VPS13D: variants seen among roughly 807,000 people sequenced by gnomAD.
The protein encoded by VPS13D is vacuolar protein sorting 13 homolog D, also known as intermembrane lipid transfer protein VPS13D.
A neutral mutation model predicts 461.9 loss-of-function variants in VPS13D; 187 were observed. That is an observed-to-expected ratio of 0.40 (90% CI 0.36 to 0.46). The LOEUF (loss-of-function observed/expected upper bound fraction) is 0.46. VPS13D is among the 20% of genes least tolerant of loss of function. VPS13D has a pLI of 0.60. For synonymous variants in VPS13D, 1,951 were observed against 1,986.3 expected (o/e 0.98, Z 0.47); for missense variants, 4,711 against 5,364.9 (o/e 0.88, Z 3.81).
intron 65 of VPS13D, among the ~76,000 whole-genome samples, chr1:12,445,797 T>TA (rs1239346002): frequency 2.0e-5 from 3 of 152,224 alleles, no homozygotes; most frequent in African/African-American, 7.2e-5. Context: ...AGACAGGACT[T>TA]AATTTAAGTA....
At chr1:12,435,065 G>A (rs76572263) in intron 65 of VPS13D, among the ~76,000 whole-genome samples, 2,441 of 152,290 alleles carry the variant, frequency 0.016, 51 homozygotes, top group Admixed American at 0.056. Flanking sequence ...TATCCTTACC[G>A]TAAGTGTTTA....
chr1:12,509,128 G>T lies in VPS13D; in HGVS notation c.*104G>T. ...TGGAGGCAGAACCGGAGTCGGGTTTGGGGAAGTTGTCAAGGAATGAGGGAA... is the reference window on the plus strand; with the variant it reads ...TGGAGGCAGAACCGGAGTCGGGTTTTGGGAAGTTGTCAAGGAATGAGGGAA... On this transcript the variant is annotated 3_prime_UTR_variant, in exon 70 of 70. Transcript: ENST00000620676. 2 of 1,409,870 alleles carry T rather than the reference G, an allele frequency of 1.4e-6. No individual in the cohort carries two copies. The highest frequency in any genetic ancestry group is 1.9e-6 in the Non-Finnish European group (2 of 1,061,910). The allele number at this position is 1,409,870 out of a possible 1,614,324, so 87.3% of individuals were successfully genotyped here.
At chr1:12,359,362 T>C (rs551912944) in intron 50 of VPS13D, among the ~76,000 whole-genome samples, 1 of 152,198 alleles carries the variant, frequency 6.6e-6, no homozygotes, top group Non-Finnish European at 1.5e-5. Flanking sequence ...TGCATGGTCC[T>C]GTAGAACTTT....
In VPS13D at chr1:12,276,964, C is replaced by T. The variant is rs2101359674; in HGVS notation, c.3376C>T (p.Leu1126Phe). The T allele has an allele frequency of 6.2e-7, 1 of 1,614,062 alleles. No individual in the cohort carries two copies. Among genetic ancestry groups the T allele is most frequent in the Non-Finnish European group, 8.5e-7 (1 of 1,180,010 alleles). The change falls in exon 19 of 70, where the codon CTT becomes TTT. Residue 1126 changes from leucine (L) to phenylalanine (F), a missense_variant. Physicochemically the swap from Leu to Phe is conservative, Grantham distance 22 (BLOSUM62 0). Transcript: ENST00000620676. This position sits in a 1 kb window ranked among gnomAD's most constrained non-coding sequence, Gnocchi z 4.5. ...PETIVELIGF[L>F]QKSFPKEKDD... Reference sequence around the variant, plus strand: ...GACGATTGTGGAGCTAATTGGTTTTCTTCAAAAATCCTTTCCCAAGGAAAA... The same window carrying T: ...GACGATTGTGGAGCTAATTGGTTTTTTTCAAAAATCCTTTCCCAAGGAAAA...
chr1:12,330,392 A>T (rs1023945865), intron 37 of VPS13D, among the ~76,000 whole-genome samples: 2 of 152,044 alleles, frequency 1.3e-5, no homozygotes, highest in Non-Finnish European at 2.9e-5. Flanking sequence ...TCCAGCCTGC[A>T]TGACAGAGCA....
At position 12,400,284 on chromosome 1, in the gene VPS13D, A is replaced by G; in HGVS notation, c.11738A>G (p.Asn3913Ser). ...GAGACCGGCCCAGCTGTGCAAGTCA[A>G]CGCAGTGAAGTTCCCCAGTAAGAGT... is the stretch of plus-strand genomic sequence containing the variant. ...VIETGPAVQV[N>S]AVKFPSKSAL... The change falls in exon 61 of 70, where the codon AAC becomes AGC. Residue 3913 changes from asparagine to serine, a missense_variant. Coordinates refer to ENST00000620676, the MANE Select transcript of VPS13D (RefSeq NM_015378.4). 3 of 1,614,170 alleles carry G rather than the reference A, an allele frequency of 1.9e-6. No homozygotes were observed. Among genetic ancestry groups the G allele is most frequent in the African/African-American group, 1.3e-5 (1 of 75,022 alleles).
intron 65 of VPS13D, among the ~76,000 whole-genome samples, chr1:12,434,589 G>A (rs1645035182): frequency 6.6e-6 from 1 of 152,100 alleles, no homozygotes; most frequent in African/African-American, 2.4e-5. Context: ...TTTAGCCTGT[G>A]TATTCCCCCC....
At chr1:12,311,957 G>C in intron 29 of VPS13D, 32 bp downstream of exon 29, 11 of 1,514,406 alleles carry the variant, frequency 7.3e-6, no homozygotes, top group Non-Finnish European at 1.0e-5. Context: ...TATACTGTTA[G>C]TAACAGTATC....
At chr1:12,496,861 G>A (rs1340252204) in intron 67 of VPS13D, among the ~76,000 whole-genome samples, 1 of 149,182 alleles carries the variant, frequency 6.7e-6, no homozygotes, top group Non-Finnish European at 1.5e-5. Flanking sequence ...CCTGGGCCAG[G>A]TCCAGGTCCA....
In VPS13D at chr1:12,299,866, G is replaced by A. The variant is rs1200294517; in HGVS notation, c.6216+482G>A. Among the ~76,000 whole-genome samples, 1 of 148,750 alleles carries A rather than the reference G, an allele frequency of 6.7e-6. No individual in the cohort carries two copies. Among genetic ancestry groups the A allele is most frequent in the East Asian group, 2.0e-4 (1 of 5,110 alleles). On this transcript the variant is annotated intron_variant, in intron 25 of 69. Coordinates refer to ENST00000620676, the MANE Select transcript of VPS13D (RefSeq NM_015378.4). This position sits in a 1 kb window ranked among gnomAD's most constrained non-coding sequence, Gnocchi z 4.2. ...ATGTCTTAATAATAACATCTGTACAGTATATTGCTTTACAGTTTTAAATTA... is the reference window on the plus strand; with the variant it reads ...ATGTCTTAATAATAACATCTGTACAATATATTGCTTTACAGTTTTAAATTA...
chr1:12,490,041 C>T (rs1645855279), intron 67 of VPS13D, among the ~76,000 whole-genome samples: 1 of 152,160 alleles, frequency 6.6e-6, no homozygotes, highest in African/African-American at 2.4e-5. Flanking sequence ...TGTTCATCTC[C>T]TCCACTGAAT....
chr1:12,332,155 A>G (rs1643348959), intron 37 of VPS13D, among the ~76,000 whole-genome samples: 1 of 152,216 alleles, frequency 6.6e-6, no homozygotes, highest in Non-Finnish European at 1.5e-5. Context: ...GACCTGGTAA[A>G]TTTGAGTGTA....
At chr1:12,243,655 G>A (rs1260664027) in intron 3 of VPS13D, among the ~76,000 whole-genome samples, 1 of 152,112 alleles carries the variant, frequency 6.6e-6, no homozygotes, top group Admixed American at 6.6e-5. Flanking sequence ...TGTATTCTAG[G>A]AGGCTTGGCT....
intron 35 of VPS13D, among the ~76,000 whole-genome samples, chr1:12,325,835 T>C (rs1285449735): frequency 6.6e-6 from 1 of 152,168 alleles, no homozygotes; most frequent in South Asian, 2.1e-4. Flanking sequence ...TATTCAATAT[T>C]ATACACACTT....
At chr1:12,445,433 C>T (rs1272989373) in intron 65 of VPS13D, among the ~76,000 whole-genome samples, 3 of 152,320 alleles carry the variant, frequency 2.0e-5, no homozygotes, top group Middle Eastern at 3.4e-3. Flanking sequence ...ACTTTTCAGA[C>T]CTGAAATCAG....
chr1:12,235,252 T>C (rs1640109726), intron 2 of VPS13D, among the ~76,000 whole-genome samples: 1 of 152,184 alleles, frequency 6.6e-6, no homozygotes, highest in Non-Finnish European at 1.5e-5. Context: ...AGTCTGAGAA[T>C]AGAGTACCGG....
At position 12,304,672 on chromosome 1, in the gene VPS13D, C is replaced by G. The variant is rs745314464; in HGVS notation, c.6383C>G (p.Thr2128Ser). 5 of 1,613,994 alleles carry G rather than the reference C, an allele frequency of 3.1e-6. No individual in the cohort carries two copies. Among genetic ancestry groups the G allele is most frequent in the Non-Finnish European group, 4.2e-6 (5 of 1,180,014 alleles). ...AGTGAGTTTGTGCCCAGTACCTCCA[C>G]CAAGCAGCAAGGGCCGCAACCCACA... ...LKSEFVPSTS[T>S]KQQGPQPTLS... The change falls in exon 26 of 70, where the codon ACC becomes AGC. Residue 2128 changes from threonine (T) to serine (S), a missense_variant. Physicochemically the swap from Thr to Ser is moderately conservative, Grantham distance 58. Coordinates refer to ENST00000620676, the MANE Select transcript of VPS13D (RefSeq NM_015378.4).
intron 65 of VPS13D, among the ~76,000 whole-genome samples, chr1:12,418,486 C>A (rs567210253): frequency 5.9e-5 from 9 of 152,254 alleles, no homozygotes; most frequent in Non-Finnish European, 7.4e-5. Flanking sequence ...TTATTGAATT[C>A]TAATTGACAT....
rs753416147 is a variant in VPS13D at position 12,291,071 on chromosome 1, C to T, written c.5799C>T (p.Tyr1933=). Residue 1933 remains tyrosine, a synonymous_variant, in exon 23 of 70, where the codon TAC becomes TAT. Coordinates refer to ENST00000620676, the MANE Select transcript of VPS13D (RefSeq NM_015378.4). ...LSDLTCHGEF[Y]RERFTTSGEE... is the part of the protein sequence containing the mutation. ...ACCTCACATGCCATGGAGAGTTCTA[C>T]AGAGAACGGTTCACTACCAGTGGTG... is the stretch of plus-strand genomic sequence containing the variant. The T allele has an allele frequency of 9.9e-6, 16 of 1,613,954 alleles. No homozygotes were observed. Among genetic ancestry groups the T allele is most frequent in the East Asian group, 2.2e-5 (1 of 44,884 alleles).
Sources: gnomAD v4.1 joint callset for allele counts (sites outside exome capture counted in the v4.1 genomes callset) on GRCh38, gnomAD v4.1.1 for gene constraint, Gnocchi (gnomAD v3.1) non-coding constraint, MANE v1.5 for transcripts, NCBI Gene and HGNC (gene_info 2026-07-23, HGNC 2026-07-21) for gene names.